TNC: variants seen among roughly 807,000 people sequenced by gnomAD.
TNC encodes the protein tenascin.
A neutral mutation model predicts 202.4 loss-of-function variants in TNC; 109 were observed. That is an observed-to-expected ratio of 0.54 (90% CI 0.46 to 0.63). The LOEUF (loss-of-function observed/expected upper bound fraction) is 0.63, where lower values mean the gene tolerates loss of function less well. Ranked by LOEUF, TNC falls within the 30% of genes least tolerant of loss-of-function variation. TNC has a pLI of 0.00. For synonymous variants in TNC, 1,007 were observed against 1,089.7 expected (o/e 0.92, Z 1.50); for missense variants, 2,756 against 2,833.3 (o/e 0.97, Z 0.62).
intron 7 of TNC, among the ~76,000 whole-genome samples, chr9:115,077,353 A>G (rs904996190): frequency 4.0e-5 from 6 of 151,658 alleles, no homozygotes; most frequent in East Asian, 1.9e-4. Context: ...ACTGCGCCTG[A>G]CCCCAATTTT....
At chr9:115,074,786 A>C (rs1351713659) in intron 9 of TNC, among the ~76,000 whole-genome samples, 1 of 152,220 alleles carries the variant, frequency 6.6e-6, no homozygotes, top group Admixed American at 6.5e-5. Flanking sequence ...ATAAAATTGC[A>C]TAGAACTAAG....
At chr9:115,106,634 C>T (rs994292043) in intron 1 of TNC, among the ~76,000 whole-genome samples, 6 of 152,018 alleles carry the variant, frequency 3.9e-5, no homozygotes, top group Admixed American at 2.0e-4. Flanking sequence ...TTGAGTCTGA[C>T]CTGAAGAGAA....
At chr9:115,072,840 G>A (rs919122957) in intron 10 of TNC, among the ~76,000 whole-genome samples, 10 of 152,080 alleles carry the variant, frequency 6.6e-5, no homozygotes, top group South Asian at 2.1e-4. Flanking sequence ...TATACATTTC[G>A]AATATTTGGT....
chr9:115,095,290 A>G (rs1281902893), intron 1 of TNC, among the ~76,000 whole-genome samples: 1 of 151,918 alleles, frequency 6.6e-6, no homozygotes, highest in Non-Finnish European at 1.5e-5. Context: ...TATGGACTTT[A>G]ATGAATGTTT....
intron 2 of TNC, among the ~76,000 whole-genome samples, chr9:115,087,506 CAG>C (rs1486342238): frequency 6.8e-6 from 1 of 148,140 alleles, no homozygotes; most frequent in Non-Finnish European, 1.5e-5. Flanking sequence ...TATGCCAAAA[CAG>C]TGTGTGATTA....
chr9:115,029,036 A>G (rs78098062), intron 25 of TNC, among the ~76,000 whole-genome samples: 11 of 41,958 alleles, frequency 2.6e-4, no homozygotes, highest in South Asian at 1.8e-3. Flanking sequence ...TTATCTCTGG[A>G]AAAAAAAAAA....
chr9:115,111,027 C>T (rs1837003497), intron 1 of TNC, among the ~76,000 whole-genome samples: 1 of 151,964 alleles, frequency 6.6e-6, no homozygotes, highest in African/African-American at 2.4e-5. Context: ...CTACAGGTGC[C>T]CGCCACCACA....
chr9:115,041,304 A>AGCGGC (rs369968281), intron 18 of TNC, among the ~76,000 whole-genome samples: 4 of 106,972 alleles, frequency 3.7e-5, no homozygotes, highest in South Asian at 2.6e-4. Context: ...CAAAGCCAGG[A>AGCGGC]GGGGCGGGGG....
Position 115,031,672 on chromosome 9 carries a change from C to T in TNC, c.5801G>A (p.Gly1934Asp), listed in dbSNP as rs533905136. The T allele has an allele frequency of 1.2e-6, 2 of 1,609,712 alleles. No homozygotes were observed. The highest frequency in any genetic ancestry group is 3.4e-5 in the Admixed American group (2 of 59,028). ...CAGGCTGTAGGAGGTGGTATCTGGACCCACAATGACTTCCTAAGAGCAGAA... is the reference window on the plus strand; with the variant it reads ...CAGGCTGTAGGAGGTGGTATCTGGATCCACAATGACTTCCTAAGAGCAGAA... The part of the protein sequence containing the change: ...VDGTVKEVIV[G>D]PDTTSYSLAD... The change falls in exon 23 of 28, where the codon GGT becomes GAT. Residue 1934 changes from glycine to aspartate, a missense_variant. Around this residue, in one of 2 missense-constraint regions of TNC, gnomAD observed 2,559 missense variants for 2,546.0 expected, o/e 1.01. Transcript: ENST00000350763.
intron 6 of TNC, 33 bp from the exon 7 acceptor site, chr9:115,078,245 G>T: frequency 6.4e-7 from 1 of 1,574,458 alleles, no homozygotes; most frequent in Non-Finnish European, 8.7e-7. Context: ...AGGCTTCAGA[G>T]GTTAGGGCCA....
intron 9 of TNC, 37 bp downstream of exon 9, chr9:115,075,995 C>T: frequency 6.3e-7 from 1 of 1,584,202 alleles, no homozygotes; most frequent in Non-Finnish European, 8.7e-7. Flanking sequence ...CTGCCCAGCA[C>T]CAGCTCAGTG....
At position 115,086,440 on chromosome 9, in the gene TNC, C is replaced by T. The variant is rs760959871; in HGVS notation, c.1291G>A (p.Gly431Arg). 13 of 1,613,912 alleles carry T rather than the reference C, an allele frequency of 8.1e-6. No homozygotes were observed. Among genetic ancestry groups the T allele is most frequent in the Admixed American group, 6.7e-5 (4 of 60,010 alleles). Residue 431 changes from glycine (G) to arginine (R), a missense_variant, in exon 3 of 28, where the codon GGG becomes AGG. Gly to Arg is a moderately radical substitution (Grantham distance 125). This residue lies in a region of TNC where 2,559 missense variants were observed against 2,546.0 expected (regional missense o/e 1.01). Transcript: ENST00000350763. The stretch of plus-strand genomic sequence containing the variant: ...CACCGTAGCTGGCTGCAGTCCTCCC[C>T]AGTATAGCCCTCATCACACACACAC... The part of the protein sequence containing the change: ...GQCVCDEGYT[G>R]EDCSQLRCPN...
At chr9:115,081,968 G>GC in intron 5 of TNC, 40 bp from the exon 6 acceptor site, 2 of 1,541,498 alleles carry the variant, frequency 1.3e-6, no homozygotes, top group Non-Finnish European at 1.7e-6. Context: ...TAGGGGAGGT[G>GC]CCAGTCTCTT....
chr9:115,020,950 A>G lies in TNC; in HGVS notation c.*207T>C. ...AAACAACAAAACAGAAACATGTTGG[A>G]GACTGATGTCTTTGGTGCAAAGAAA... On this transcript the variant is annotated 3_prime_UTR_variant, in exon 28 of 28. Transcript: ENST00000350763. 1 of 541,098 alleles carries G rather than the reference A, an allele frequency of 1.8e-6. No individual in the cohort carries two copies. The highest frequency in any genetic ancestry group is 3.3e-6 in the Non-Finnish European group (1 of 306,984). 33.5% of individuals were successfully genotyped at this position (541,098 alleles called of 1,614,324 possible).
intron 24 of TNC, 35 bp downstream of exon 24, chr9:115,030,218 AG>A: frequency 6.4e-7 from 1 of 1,571,574 alleles, no homozygotes; most frequent in Non-Finnish European, 8.7e-7. Context: ...CTCTTCCCCT[AG>A]GCCTGAGGGC....
chr9:115,042,211 T>A lies in TNC; in HGVS notation c.5248+8A>T. 2.5e-6 allele frequency: 4 copies of A among 1,611,740 alleles called. No homozygotes were observed. Among genetic ancestry groups the A allele is most frequent in the Non-Finnish European group, 3.4e-6 (4 of 1,178,652 alleles). On this transcript the variant is annotated splice_region_variant and intron_variant, in intron 18 of 27. Coordinates refer to ENST00000350763, the MANE Select transcript of TNC (RefSeq NM_002160.4). ...TCCTCCTCTCTCTCCCCTTTCCGAG[T>A]CTCCTACCTCCTGTAATGGGCACAT...
intron 16 of TNC, 45 bp from the exon 17 acceptor site, chr9:115,046,727 AT>A: frequency 6.2e-7 from 1 of 1,604,614 alleles, no homozygotes; most frequent in Middle Eastern, 2.3e-4. Flanking sequence ...AGACAACATC[AT>A]TTACCAGTCC....
chr9:115,023,711 G>A (rs1394777757), intron 27 of TNC, among the ~76,000 whole-genome samples: 3 of 152,166 alleles, frequency 2.0e-5, no homozygotes, highest in African/African-American at 7.2e-5. Flanking sequence ...CAGAGATTTT[G>A]TCTGAGTAAA....
intron 15 of TNC, among the ~76,000 whole-genome samples, chr9:115,049,671 A>G (rs1831497253): frequency 9.9e-6 from 1 of 101,408 alleles, no homozygotes; most frequent in African/African-American, 4.4e-5. Context: ...CAGTACTGGT[A>G]AATGCATTTT....
Sources: allele counts gnomAD v4.1 joint callset (sites outside exome capture counted in the v4.1 genomes callset), GRCh38; gene constraint gnomAD v4.1.1; regional missense constraint gnomAD v4.1.1; transcripts MANE v1.5; gene names NCBI Gene and HGNC (gene_info 2026-07-23, HGNC 2026-07-21).